The following DOK4 variants were observed in gnomAD, a reference collection of about 807,000 sequenced individuals.
The protein encoded by DOK4 is docking protein 4.
DOK4 carries 26 observed loss-of-function variants against 40.1 expected under a neutral mutation model. That is an observed-to-expected ratio of 0.65 (90% CI 0.48 to 0.90). The LOEUF is 0.90. Ranked by LOEUF, DOK4 falls within the 40% of genes least tolerant of loss-of-function variation. DOK4 has a pLI of 0.00. For missense variants in DOK4, 392 were observed against 437.2 expected (o/e 0.90, Z 0.92); for synonymous variants, 179 against 177.0 (o/e 1.01, Z -0.09).
intron 1 of DOK4, among the ~76,000 whole-genome samples, chr16:57,484,970 G>A (rs2031507664): frequency 6.6e-6 from 1 of 152,252 alleles, no homozygotes; most frequent in Admixed American, 6.5e-5. Flanking sequence ...ATGGTGCCCG[G>A]TGGGAAGGAG....
intron 4 of DOK4, 68 bp downstream of exon 4, chr16:57,475,438 C>A: frequency 1.4e-6 from 2 of 1,475,914 alleles, no homozygotes; most frequent in South Asian, 2.4e-5. Flanking sequence ...GCTCTGCCCG[C>A]TCCTAGCTGG....
In DOK4 at chr16:57,473,272, C is replaced by G. The variant is rs555817415; in HGVS notation, c.*105G>C. On this transcript the variant is annotated 3_prime_UTR_variant, in exon 9 of 9. Transcript: ENST00000340099. ...AAGGAGGGGGCAGCTTGCTCCCTTT[C>G]TCCAGGCTCTTGGCCGACAGCCCCC... 1.0e-5 allele frequency: 15 copies of G among 1,463,562 alleles called. No homozygotes were observed. In the East Asian group the frequency reaches 1.2e-4, roughly 12 times the overall value. 90.7% of individuals were successfully genotyped at this position (1,463,562 alleles called of 1,614,324 possible).
chr16:57,475,863 C>G, exon 3 of DOK4: 3 of 1,613,110 alleles, frequency 1.9e-6, no homozygotes, highest in Non-Finnish European at 1.7e-6. Flanking sequence ...GGGGCAGCCC[C>G]GGAGGCACAC....
intron 1 of DOK4, among the ~76,000 whole-genome samples, chr16:57,482,927 G>A (rs767506132): frequency 2.0e-5 from 3 of 152,218 alleles, no homozygotes; most frequent in Non-Finnish European, 4.4e-5. Flanking sequence ...CAGGGACTGT[G>A]GCCCCAAGCT....
exon 8 of DOK4, chr16:57,473,723 C>A: frequency 1.2e-6 from 2 of 1,610,704 alleles, no homozygotes; most frequent in African/African-American, 2.7e-5. Flanking sequence ...ATGTTCCGTG[C>A]CCTTGTTCAG....
chr16:57,486,516 G>C (rs1398272763), upstream of DOK4: 1 of 151,622 alleles, frequency 6.6e-6, no homozygotes, highest in African/African-American at 2.4e-5. Context: ...CCTCCGCCAG[G>C]TCTCGCCGCT....
In DOK4 at chr16:57,485,646, C is replaced by T. The variant is rs1012238478; in HGVS notation, c.-182+659G>A. On this transcript the variant is annotated intron_variant, in intron 1 of 8. Coordinates refer to ENST00000340099, the Ensembl canonical transcript of DOK4. The surrounding 1 kb of genome is among the most constrained non-coding windows in gnomAD (Gnocchi z 4.3). The stretch of plus-strand genomic sequence containing the variant: ...GCAGGCAGGCTGCACAGAGCCCCTG[C>T]TCTGCCACATCACCCAGGTGCCCAG... Among the ~76,000 whole-genome samples, 1 of 152,228 alleles carries T rather than the reference C, an allele frequency of 6.6e-6. No individual in the cohort carries two copies. The highest frequency in any genetic ancestry group is 1.5e-5 in the Non-Finnish European group (1 of 68,038).
At chr16:57,475,567 C>T in exon 4 of DOK4, 1 of 1,610,110 alleles carries the variant, frequency 6.2e-7, no homozygotes, top group Non-Finnish European at 8.5e-7. Context: ...CCGCCTGCCG[C>T]TTGGTCTCCT....
Position 57,479,582 on chromosome 16 carries a change from C to T in DOK4, c.-75G>A. ...GATGCCCAGGTGCCTGGGTCTCCGG[C>T]TCCTCCAATCACCTGTTCCAGACAC... On this transcript the variant is annotated 5_prime_UTR_variant, in exon 2 of 9. Coordinates refer to ENST00000340099, the Ensembl canonical transcript of DOK4. The surrounding 1 kb of genome is among the most constrained non-coding windows in gnomAD (Gnocchi z 5.8). The T allele has an allele frequency of 2.0e-6, 3 of 1,521,604 alleles. No individual in the cohort carries two copies. Among genetic ancestry groups the T allele is most frequent in the African/African-American group, 1.4e-5 (1 of 73,336 alleles). The allele number at this position is 1,521,604 out of a possible 1,614,324, so 94.3% of individuals were successfully genotyped here. A position where few individuals can be genotyped will look rare whatever the true frequency, so the allele number is the denominator to read the frequency against.
rs1006532439 is a variant in DOK4, at chr16:57,479,230, C to A, written c.66+212G>T. ...ACTGGCCCAGCTGTTGGGATGCCAGCCAGCCCTCTGGGGCGGGGGCTGCAG... is the reference window on the plus strand; with the variant it reads ...ACTGGCCCAGCTGTTGGGATGCCAGACAGCCCTCTGGGGCGGGGGCTGCAG... On this transcript the variant is annotated intron_variant, in intron 2 of 8. Coordinates refer to ENST00000340099, the Ensembl canonical transcript of DOK4. The surrounding 1 kb of genome is among the most constrained non-coding windows in gnomAD (Gnocchi z 5.8). 6.6e-6 allele frequency among the ~76,000 whole-genome samples: 1 copy of A among 152,260 alleles called. No individual in the cohort carries two copies. The highest frequency in any genetic ancestry group is 1.5e-5 in the Non-Finnish European group (1 of 68,038).
Position 57,485,588 on chromosome 16 carries a change from G to A in DOK4, c.-182+717C>T, listed in dbSNP as rs1177699789. Among the ~76,000 whole-genome samples the A allele has an allele frequency of 6.6e-6, 1 of 152,206 alleles. No homozygotes were observed. Among genetic ancestry groups the A allele is most frequent in the Non-Finnish European group, 1.5e-5 (1 of 68,042 alleles). On this transcript the variant is annotated intron_variant, in intron 1 of 8. Transcript: ENST00000340099. The surrounding 1 kb of genome is among the most constrained non-coding windows in gnomAD (Gnocchi z 4.3). ...CCACACCCTCCATCCAAGCGGAAGCGCCCCAGCAACTGACGTGTCCCCATG... is the reference window on the plus strand; with the variant it reads ...CCACACCCTCCATCCAAGCGGAAGCACCCCAGCAACTGACGTGTCCCCATG...
chr16:57,483,522 G>A (rs1314974557), intron 1 of DOK4, among the ~76,000 whole-genome samples: 1 of 152,086 alleles, frequency 6.6e-6, no homozygotes, highest in Non-Finnish European at 1.5e-5. Flanking sequence ...CACAGCTACT[G>A]GGGAGGCCGA....
chr16:57,473,263 G>T, exon 9 of DOK4: 1 of 1,436,818 alleles, frequency 7.0e-7, no homozygotes. Context: ...GGGGCAGCTT[G>T]CTCCCTTTCT....
In DOK4 at chr16:57,479,486, T is replaced by C; in HGVS notation, c.22A>G (p.Ile8Val). The C allele has an allele frequency of 1.2e-6, 2 of 1,613,788 alleles. No homozygotes were observed. Among genetic ancestry groups the C allele is most frequent in the Non-Finnish European group, 1.7e-6 (2 of 1,179,914 alleles). The change falls in exon 2 of 9, where the codon ATC (isoleucine) becomes GTC (valine). Residue 8 changes from isoleucine (I) to valine (V), a missense_variant. Ile to Val is a conservative substitution (Grantham distance 29). Coordinates refer to ENST00000340099, the Ensembl canonical transcript of DOK4. The surrounding 1 kb of genome is among the most constrained non-coding windows in gnomAD (Gnocchi z 5.8). Reference sequence around the variant, plus strand: ...ATCTTCACGTAGCCTTGCTTGACGATGTCACTGAAATTGGTCGCCATGGTT... The same window carrying C: ...ATCTTCACGTAGCCTTGCTTGACGACGTCACTGAAATTGGTCGCCATGGTT...
chr16:57,484,249 AGGGCT>A (rs2031489137), intron 1 of DOK4: 1 of 152,280 alleles, frequency 6.6e-6, no homozygotes, highest in Non-Finnish European at 1.5e-5. Flanking sequence ...GGATCTTATC[AGGGCT>A]GCAGGAACAG....
chr16:57,486,468 C>T (rs1219834069), exon 1 of DOK4: 1 of 151,998 alleles, frequency 6.6e-6, no homozygotes, highest in African/African-American at 2.4e-5. Flanking sequence ...GGATCGGGCT[C>T]CGGCTGGGGC....
rs372132838 is a variant in DOK4 at position 57,479,393 on chromosome 16, C to T, written c.66+49G>A. On this transcript the variant is annotated intron_variant, in intron 2 of 8. Transcript: ENST00000340099. The surrounding 1 kb of genome is among the most constrained non-coding windows in gnomAD (Gnocchi z 5.8). ...GCCTCCAAGCCTGGGACCGAGTCCT[C>T]GGGCCCCCATCCCTTGGCAGGGCCC... The T allele has an allele frequency of 2.0e-5, 32 of 1,603,110 alleles. 1 individual carries two copies. In the South Asian group the frequency reaches 2.1e-4, roughly 11 times the overall value.
intron 2 of DOK4, among the ~76,000 whole-genome samples, chr16:57,477,838 G>T (rs1210258608): frequency 5.9e-5 from 9 of 152,200 alleles, no homozygotes; most frequent in Non-Finnish European, 7.4e-5. Flanking sequence ...CACACCAGGG[G>T]AAGTGAGGCT....
chr16:57,486,297 C>T lies in DOK4; in HGVS notation c.-182+8G>A, dbSNP rs2031538507. The T allele has an allele frequency of 1.3e-5, 2 of 152,428 alleles. No individual in the cohort carries two copies. The highest frequency in any genetic ancestry group is 1.3e-4 in the Admixed American group (2 of 15,272). The allele number at this position is 152,428 out of a possible 1,614,324, so 9.4% of individuals were successfully genotyped here. A position where few individuals can be genotyped will look rare whatever the true frequency, so the allele number is the denominator to read the frequency against. ...GTCCCCCTCCCTGCCTCACGCCCCCCAATTTACCTGGGCGCCGAGGCCCGG... is the reference window on the plus strand; with the variant it reads ...GTCCCCCTCCCTGCCTCACGCCCCCTAATTTACCTGGGCGCCGAGGCCCGG... On this transcript the variant is annotated splice_region_variant and intron_variant, in intron 1 of 8. Transcript: ENST00000340099.
Sources: allele counts gnomAD v4.1 joint callset (sites outside exome capture counted in the v4.1 genomes callset), GRCh38; gene constraint gnomAD v4.1.1; non-coding constraint Gnocchi (gnomAD v3.1); transcripts MANE v1.5; gene names NCBI Gene and HGNC (gene_info 2026-07-23, HGNC 2026-07-21).